UNC5D: variants seen among roughly 807,000 people sequenced by gnomAD.
UNC5D encodes netrin receptor UNC5D.
A neutral mutation model predicts 105.4 loss-of-function variants in UNC5D; 39 were observed. The ratio of observed to expected loss-of-function variants is 0.37; its 90% confidence interval spans 0.29 to 0.48. The LOEUF (loss-of-function observed/expected upper bound fraction) is 0.48, where lower values mean the gene tolerates loss of function less well. Among genes scored for constraint, UNC5D ranks in the 20% least tolerant of loss-of-function variants. The pLI is 0.98. For synonymous variants in UNC5D, 452 were observed against 450.4 expected (o/e 1.00, Z -0.04); for missense variants, 991 against 1,202.4 (o/e 0.82, Z 2.60).
At chr8:35,325,306 T>C (rs1019631198) in intron 1 of UNC5D, among the ~76,000 whole-genome samples, 5 of 152,220 alleles carry the variant, frequency 3.3e-5, no homozygotes, top group Non-Finnish European at 7.3e-5. Flanking sequence ...AAGACTTAAC[T>C]TGATAATGCT....
chr8:35,278,596 AT>A (rs1805935432), intron 1 of UNC5D, among the ~76,000 whole-genome samples: 1 of 151,812 alleles, frequency 6.6e-6, no homozygotes, highest in Non-Finnish European at 1.5e-5. Flanking sequence ...ATTATTTATT[AT>A]TTTTAAAATA....
chr8:35,507,321 C>T (rs1188682469), intron 1 of UNC5D, among the ~76,000 whole-genome samples: 1 of 152,074 alleles, frequency 6.6e-6, no homozygotes, highest in Non-Finnish European at 1.5e-5. Context: ...TCCCAAAGTG[C>T]TGGGATTACA....
chr8:35,615,029 G>A (rs1250357779), intron 4 of UNC5D, among the ~76,000 whole-genome samples: 1 of 69,092 alleles, frequency 1.4e-5, no homozygotes, highest in Non-Finnish European at 2.6e-5. Flanking sequence ...GGGCAACATA[G>A]TGAGGGGCCC....
chr8:35,343,043 G>T (rs762876309), intron 1 of UNC5D, among the ~76,000 whole-genome samples: 2 of 152,064 alleles, frequency 1.3e-5, no homozygotes, highest in Non-Finnish European at 2.9e-5. Context: ...CCTACTCCTA[G>T]AGTTTCTGAT....
chr8:35,713,279 A>C (rs1311043899), intron 8 of UNC5D, among the ~76,000 whole-genome samples: 1 of 152,186 alleles, frequency 6.6e-6, no homozygotes, highest in African/African-American at 2.4e-5. Context: ...ATGTGAATCT[A>C]CAAGCTGAAT....
intron 1 of UNC5D, among the ~76,000 whole-genome samples, chr8:35,353,714 C>T (rs904664739): frequency 3.3e-5 from 5 of 151,586 alleles, no homozygotes; most frequent in Admixed American, 1.3e-4. Context: ...CCTTCATGTG[C>T]ATTAATATTG....
intron 1 of UNC5D, among the ~76,000 whole-genome samples, chr8:35,539,988 T>G (rs1399421410): frequency 6.6e-6 from 1 of 152,234 alleles, no homozygotes; most frequent in Non-Finnish European, 1.5e-5. Flanking sequence ...GAATGGTGTT[T>G]GATTGTTTGG....
intron 4 of UNC5D, among the ~76,000 whole-genome samples, chr8:35,613,142 A>C (rs1284525178): frequency 1.3e-5 from 2 of 152,212 alleles, no homozygotes; most frequent in African/African-American, 4.8e-5. Context: ...CAGTGGCACG[A>C]TCACAGTTCA....
chr8:35,675,881 TA>T (rs1283068394), intron 4 of UNC5D, among the ~76,000 whole-genome samples: 1 of 151,832 alleles, frequency 6.6e-6, no homozygotes, highest in East Asian at 1.9e-4. Flanking sequence ...CTGGTGGAAA[TA>T]AACATTTAGG....
chr8:35,386,359 A>G (rs1410415410), intron 1 of UNC5D, among the ~76,000 whole-genome samples: 1 of 152,218 alleles, frequency 6.6e-6, no homozygotes, highest in African/African-American at 2.4e-5. Flanking sequence ...CTCAATTTAA[A>G]TAGGAAAATC....
intron 1 of UNC5D, among the ~76,000 whole-genome samples, chr8:35,433,935 C>A (rs1806828739): frequency 1.3e-5 from 2 of 151,558 alleles, no homozygotes; most frequent in Non-Finnish European, 2.9e-5. Flanking sequence ...AAATTATGAT[C>A]TTTATCAATT....
At chr8:35,265,548 A>G (rs1313723267) in intron 1 of UNC5D, among the ~76,000 whole-genome samples, 4 of 152,134 alleles carry the variant, frequency 2.6e-5, no homozygotes, top group Non-Finnish European at 5.9e-5. Context: ...TGACCCTTGC[A>G]TTAGAGACAC....
chr8:35,734,725 T>A (rs1467277752), intron 11 of UNC5D, among the ~76,000 whole-genome samples: 1 of 152,080 alleles, frequency 6.6e-6, no homozygotes, highest in African/African-American at 2.4e-5. Context: ...ATTTCTTTTT[T>A]TACATTTTAT....
At chr8:35,439,307 T>C (rs193277097) in intron 1 of UNC5D, among the ~76,000 whole-genome samples, 1 of 152,184 alleles carries the variant, frequency 6.6e-6, no homozygotes, top group African/African-American at 2.4e-5. Flanking sequence ...TTCTTAATTT[T>C]CAGGAAACCT....
At chr8:35,327,818 T>TG (rs1402137561) in intron 1 of UNC5D, among the ~76,000 whole-genome samples, 2 of 152,176 alleles carry the variant, frequency 1.3e-5, no homozygotes, top group Non-Finnish European at 2.9e-5. Context: ...AGTACAATGT[T>TG]GCAAGAGTCA....
At chr8:35,605,687 T>C (rs570427711) in intron 4 of UNC5D, among the ~76,000 whole-genome samples, 1 of 152,244 alleles carries the variant, frequency 6.6e-6, no homozygotes, top group Non-Finnish European at 1.5e-5. Context: ...TGTGGTGGGC[T>C]CTACCCATAT....
intron 1 of UNC5D, among the ~76,000 whole-genome samples, chr8:35,470,255 A>G (rs777886979): frequency 6.6e-6 from 1 of 152,154 alleles, no homozygotes; most frequent in Non-Finnish European, 1.5e-5. Flanking sequence ...TGTTGGGGAC[A>G]TTAGAGAAAG....
chr8:35,622,645 G>C (rs1821429127), intron 4 of UNC5D, among the ~76,000 whole-genome samples: 1 of 152,106 alleles, frequency 6.6e-6, no homozygotes, highest in South Asian at 2.1e-4. Flanking sequence ...AATGTTTGTT[G>C]TTAGTAGTAT....
At chr8:35,450,728 A>T (rs921552271) in intron 1 of UNC5D, among the ~76,000 whole-genome samples, 2 of 152,196 alleles carry the variant, frequency 1.3e-5, no homozygotes, top group Admixed American at 1.3e-4. Context: ...TAACTTCACA[A>T]TGTTGTGAAA....
Sources: gnomAD v4.1 joint callset for allele counts (sites outside exome capture counted in the v4.1 genomes callset) on GRCh38, gnomAD v4.1.1 for gene constraint, MANE v1.5 for transcripts, NCBI Gene and HGNC (gene_info 2026-07-23, HGNC 2026-07-21) for gene names.